Variants in NDUFV2 observed in about 807,000 individuals in gnomAD.
The protein encoded by NDUFV2 is NADH dehydrogenase [ubiquinone] flavoprotein 2, mitochondrial.
Under a neutral mutation model 31.6 loss-of-function variants are expected in NDUFV2, and 18 were observed. That is an observed-to-expected ratio of 0.57 (90% confidence interval 0.39 to 0.84). NDUFV2 has a LOEUF of 0.84. Ranked by LOEUF, NDUFV2 falls within the 40% of genes least tolerant of loss-of-function variation. The pLI, the probability that NDUFV2 is intolerant of heterozygous loss-of-function variation, is 0.00. For synonymous variants in NDUFV2, 83 were observed against 99.8 expected (o/e 0.83, Z 1.01); for missense variants, 314 against 303.6 (o/e 1.03, Z -0.26).
intron 7 of NDUFV2, among the ~76,000 whole-genome samples, chr18:9,129,919 A>G (rs1174323659): frequency 1.3e-5 from 2 of 152,356 alleles, no homozygotes; most frequent in East Asian, 3.9e-4. Flanking sequence ...TTTAGTAGAT[A>G]TGTGGGACTA....
chr18:9,113,242 T>A (rs1409966636), intron 1 of NDUFV2, among the ~76,000 whole-genome samples: 1 of 152,226 alleles, frequency 6.6e-6, no homozygotes, highest in East Asian at 1.9e-4. Flanking sequence ...CTAAATTTTC[T>A]TCCCACTCCA....
chr18:9,109,102 T>C lies in NDUFV2; in HGVS notation c.54+6305T>C, dbSNP rs116821157. On this transcript the variant is annotated intron_variant, in intron 1 of 7. Transcript: ENST00000318388. ...CTTGAGCTGGCAATAGGGGAGGCTGTAGGTAACAAGTCAGCAGATGTTGTG... is the reference window on the plus strand; with the variant it reads ...CTTGAGCTGGCAATAGGGGAGGCTGCAGGTAACAAGTCAGCAGATGTTGTG... 4.6e-3 allele frequency among the ~76,000 whole-genome samples: 699 copies of C among 152,244 alleles called. 8 individuals carry two copies. Among genetic ancestry groups the C allele is most frequent in the African/African-American group, 0.016 (655 of 41,550 alleles).
chr18:9,125,807 G>T (rs2077985002), intron 6 of NDUFV2, among the ~76,000 whole-genome samples: 1 of 152,094 alleles, frequency 6.6e-6, no homozygotes, highest in Non-Finnish European at 1.5e-5. Flanking sequence ...AGTACTGCTG[G>T]CCCCAGAAAA....
In NDUFV2 at chr18:9,104,010, G is replaced by C. The variant is rs2077828508; in HGVS notation, c.54+1213G>C. 4.1e-6 allele frequency: 3 copies of C among 733,122 alleles called. No homozygotes were observed. The East Asian group carries it at 8.5e-5, about 21-fold the overall frequency. The allele number at this position is 733,122 out of a possible 1,614,324, so 45.4% of individuals were successfully genotyped here. A position where few individuals can be genotyped will look rare whatever the true frequency, so the allele number is the denominator to read the frequency against. On this transcript the variant is annotated intron_variant, in intron 1 of 7. Coordinates refer to ENST00000318388, the MANE Select transcript of NDUFV2 (RefSeq NM_021074.5). ...TTTTGGAATTGATAGTCTCATGTAA[G>C]AGGAACTTTAAGGTTGAGACAATGT...
intron 7 of NDUFV2, chr18:9,132,345 A>G (rs376313891): frequency 1.3e-5 from 2 of 152,180 alleles, no homozygotes; most frequent in African/African-American, 4.8e-5. Context: ...ATCCATATCT[A>G]TCCAAACTGG....
At position 9,119,399 on chromosome 18, in the gene NDUFV2, A is replaced by C; in HGVS notation, c.183+11A>C. On this transcript the variant is annotated intron_variant, in intron 3 of 7. Transcript: ENST00000318388. ...CCAGAAAACTATAAGGTATGGCTAA[A>C]TTAACATTATAATTAATTTACCAAA... is the stretch of plus-strand genomic sequence containing the variant. 1.2e-6 allele frequency: 2 copies of C among 1,607,158 alleles called. No homozygotes were observed. The highest frequency in any genetic ancestry group is 1.7e-6 in the Non-Finnish European group (2 of 1,173,796).
At chr18:9,117,037 A>G (rs1416923733) in intron 1 of NDUFV2, among the ~76,000 whole-genome samples, 2 of 145,686 alleles carry the variant, frequency 1.4e-5, no homozygotes, top group Non-Finnish European at 3.0e-5. Context: ...TTCTGAAACT[A>G]CTTTTTTTTT....
At position 9,119,341 on chromosome 18, in the gene NDUFV2, G is replaced by C; in HGVS notation, c.136G>C (p.Glu46Gln). 1.2e-6 allele frequency: 2 copies of C among 1,612,938 alleles called. No homozygotes were observed. The highest frequency in any genetic ancestry group is 4.5e-5 in the East Asian group (2 of 44,790). The change falls in exon 3 of 8, where the codon GAG becomes CAG. Residue 46 changes from glutamate (E) to glutamine (Q), a missense_variant. Transcript: ENST00000318388. ...TGTTGTGTAGCACAGAGATACTCCTGAGAATAACCCTGATACTCCATTTGA... is the reference window on the plus strand; with the variant it reads ...TGTTGTGTAGCACAGAGATACTCCTCAGAATAACCCTGATACTCCATTTGA... ...GALFVHRDTP[E>Q]NNPDTPFDFT...
intron 1 of NDUFV2, among the ~76,000 whole-genome samples, chr18:9,107,631 G>T (rs902475076): frequency 6.6e-6 from 1 of 152,142 alleles, no homozygotes; most frequent in Non-Finnish European, 1.5e-5. Context: ...GGGTTTATTC[G>T]CAAGTCCTGT....
At chr18:9,103,505 G>C (rs1174565482) in intron 1 of NDUFV2, 4 of 187,342 alleles carry the variant, frequency 2.1e-5, no homozygotes, top group African/African-American at 9.3e-5. Context: ...CAGATTTCCA[G>C]AAATGTCGAT....
chr18:9,121,654 A>G (rs2077936796), intron 4 of NDUFV2, among the ~76,000 whole-genome samples: 1 of 152,232 alleles, frequency 6.6e-6, no homozygotes, highest in African/African-American at 2.4e-5. Context: ...CTTAATGATA[A>G]TAGGTCACCT....
rs2077820539 is a variant in NDUFV2 at position 9,102,763 on chromosome 18, T to C, written c.20T>C (p.Leu7Pro). 1.3e-6 allele frequency: 2 copies of C among 1,586,834 alleles called. No individual in the cohort carries two copies. Among genetic ancestry groups the C allele is most frequent in the East Asian group, 2.3e-5 (1 of 43,464 alleles). ...CCCGCCATGTTCTTCTCCGCGGCGC[T>C]CCGGGCCCGGGCGGCTGGCCTCACC... Reference protein sequence around the residue: MFFSAALRARAAGLTAH... With the variant: MFFSAAPRARAAGLTAH... The change falls in exon 1 of 8, where the codon CTC (leucine) becomes CCC (proline). Residue 7 changes from leucine (L) to proline (P), a missense_variant. Physicochemically the swap from Leu to Pro is moderately conservative, Grantham distance 98. Transcript: ENST00000318388.
intron 6 of NDUFV2, 113 bp downstream of exon 6, chr18:9,125,096 A>G: frequency 8.8e-7 from 1 of 1,136,326 alleles, no homozygotes; most frequent in Non-Finnish European, 1.2e-6. Flanking sequence ...ATTTAGAAGA[A>G]ATGGTTACCA....
chr18:9,104,986 A>G (rs769769023), intron 1 of NDUFV2: 5 of 1,545,444 alleles, frequency 3.2e-6, no homozygotes, highest in African/African-American at 1.3e-5. Flanking sequence ...AAAGGTATTT[A>G]TACTGTTTGG....
intron 2 of NDUFV2, among the ~76,000 whole-genome samples, chr18:9,118,204 G>T (rs183869366): frequency 1.1e-4 from 17 of 152,300 alleles, no homozygotes; most frequent in African/African-American, 3.8e-4. Context: ...TTGGCTTACT[G>T]AGAGTTTGGA....
intron 1 of NDUFV2, among the ~76,000 whole-genome samples, chr18:9,116,486 A>G (rs576851391): frequency 9.8e-5 from 15 of 152,316 alleles, no homozygotes; most frequent in Admixed American, 8.5e-4. Context: ...TCTAAATTTT[A>G]GTTTCAGTTA....
intron 6 of NDUFV2, among the ~76,000 whole-genome samples, chr18:9,126,425 G>T (rs1180349451): frequency 6.6e-6 from 1 of 152,236 alleles, no homozygotes; most frequent in Non-Finnish European, 1.5e-5. Context: ...TTACTAGCTA[G>T]TAAGTGATAG....
intron 5 of NDUFV2, 148 bp downstream of exon 5, chr18:9,122,829 C>T (rs1264080973): frequency 1.3e-6 from 1 of 779,360 alleles, no homozygotes; most frequent in Non-Finnish European, 2.1e-6. Context: ...GTTTCCACAT[C>T]TTTATTTCTT....
At chr18:9,128,052 C>T (rs1372040313) in intron 7 of NDUFV2, among the ~76,000 whole-genome samples, 1 of 152,136 alleles carries the variant, frequency 6.6e-6, no homozygotes, top group African/African-American at 2.4e-5. Flanking sequence ...TGTATGTGTT[C>T]AATCACTCAA....
Sources: allele counts gnomAD v4.1 joint callset (sites outside exome capture counted in the v4.1 genomes callset), GRCh38; gene constraint gnomAD v4.1.1; transcripts MANE v1.5; gene names NCBI Gene and HGNC (gene_info 2026-07-23, HGNC 2026-07-21).